ANKRD30B: variants seen among roughly 807,000 people sequenced by gnomAD.
The protein encoded by ANKRD30B is ankyrin repeat domain 30B, also known as ankyrin repeat domain-containing protein 30B.
A neutral mutation model predicts 202.2 loss-of-function variants in ANKRD30B; 144 were observed. That is an observed-to-expected ratio of 0.71 (90% CI 0.62 to 0.82). The LOEUF (loss-of-function observed/expected upper bound fraction) is 0.82, where lower values mean the gene tolerates loss of function less well. ANKRD30B is among the 40% of genes least tolerant of loss of function. The probability of loss-of-function intolerance (pLI) is 0.00; values close to 1 mark genes in which losing one functional copy is unlikely to be tolerated. For synonymous variants in ANKRD30B, 508 were observed against 561.3 expected (o/e 0.91, Z 1.34); for missense variants, 1,487 against 1,669.1 (o/e 0.89, Z 1.90).
intron 15 of ANKRD30B, 95 bp from the exon 16 acceptor site, chr18:14,791,306 T>A: frequency 3.9e-6 from 4 of 1,023,146 alleles, no homozygotes; most frequent in Non-Finnish European, 4.4e-6. Context: ...ACTAGGAAAT[T>A]GTGTTTTTAA....
chr18:14,779,431 C>T (rs1967580623), intron 10 of ANKRD30B, among the ~76,000 whole-genome samples: 1 of 152,148 alleles, frequency 6.6e-6, no homozygotes, highest in Non-Finnish European at 1.5e-5. Flanking sequence ...ATTTAAAACG[C>T]ATTCACACCA....
intron 24 of ANKRD30B, among the ~76,000 whole-genome samples, chr18:14,807,321 T>C (rs1310934725): frequency 2.6e-5 from 4 of 151,046 alleles, no homozygotes; most frequent in African/African-American, 9.8e-5. Flanking sequence ...CTAAGCTTTC[T>C]ATAAAAGCTT....
intron 32 of ANKRD30B, among the ~76,000 whole-genome samples, chr18:14,822,886 C>A (rs1970493094): frequency 7.1e-6 from 1 of 140,546 alleles, no homozygotes; most frequent in Non-Finnish European, 1.5e-5. Flanking sequence ...TACTGTACCT[C>A]ATGTGGTTCT....
In ANKRD30B at chr18:14,787,024, A is replaced by C. The variant is rs1467677807; in HGVS notation, c.1673-15A>C. Reference sequence around the variant, plus strand: ...AAATGTTCTCATGAATACATCTGTGATTAACCTTTTATAGCTCAGATGTTC... The same window carrying C: ...AAATGTTCTCATGAATACATCTGTGCTTAACCTTTTATAGCTCAGATGTTC... On this transcript the variant is annotated splice_polypyrimidine_tract_variant and intron_variant, in intron 14 of 43. Transcript: ENST00000690538. The C allele has an allele frequency of 2.5e-6, 4 of 1,603,606 alleles. No homozygotes were observed. The highest frequency in any genetic ancestry group is 3.4e-6 in the Non-Finnish European group (4 of 1,174,658).
At chr18:14,762,340 T>C (rs2143718780) in intron 6 of ANKRD30B, among the ~76,000 whole-genome samples, 1 of 152,336 alleles carries the variant, frequency 6.6e-6, no homozygotes, top group East Asian at 1.9e-4. Context: ...TAATAATACT[T>C]TTCTGGCACC....
At position 14,769,842 on chromosome 18, in the gene ANKRD30B, G is replaced by A. The variant is rs79053360; in HGVS notation, c.1256+469G>A. On this transcript the variant is annotated intron_variant, in intron 8 of 43. Coordinates refer to ENST00000690538, the MANE Select transcript of ANKRD30B (RefSeq NM_001367607.2). ...TTCTAACATGTTTAACTGTTAAAGC[G>A]GTAACCAGTACCTTGTTATTATCAT... 8.7e-3 allele frequency among the ~76,000 whole-genome samples: 1,323 copies of A among 152,258 alleles called. 26 individuals carry two copies. Among genetic ancestry groups the A allele is most frequent in the African/African-American group, 0.03 (1,263 of 41,566 alleles).
At chr18:14,876,089 G>A in the ANKRD30B span, among the ~76,000 whole-genome samples, 7 of 151,698 alleles carry the variant, frequency 4.6e-5, no homozygotes, top group Non-Finnish European at 2.9e-5. Context: ...TGGGTCGTGA[G>A]AATCCTAAAA....
Position 14,764,045 on chromosome 18 carries a change from A to T in ANKRD30B, c.1180A>T (p.Ile394Phe), listed in dbSNP as rs1361900044. 1.9e-6 allele frequency: 3 copies of T among 1,557,164 alleles called. No homozygotes were observed. The highest frequency in any genetic ancestry group is 1.4e-5 in the African/African-American group (1 of 71,510). ...TTTGGAAAAAGGAACATCTAATATG[A>T]TTGCATGTCCTACAAAAGAAACATC... ...EVLEKGTSNM[I>F]ACPTKETSTK... The change falls in exon 7 of 44, where the codon ATT (isoleucine) becomes TTT (phenylalanine). Residue 394 changes from isoleucine (I) to phenylalanine (F), a missense_variant. Transcript: ENST00000690538.
chr18:14,873,648 C>T, the ANKRD30B span, among the ~76,000 whole-genome samples: 1 of 152,082 alleles, frequency 6.6e-6, no homozygotes, highest in East Asian at 1.9e-4. Context: ...TCTCTAAACC[C>T]CCAATTCCCT....
the ANKRD30B span, among the ~76,000 whole-genome samples, chr18:14,871,278 A>C: frequency 5.1e-5 from 5 of 98,204 alleles, no homozygotes; most frequent in African/African-American, 4.2e-5. Flanking sequence ...CGCTTGCTCC[A>C]CCTCCTCCTA....
At chr18:14,793,062 G>C (rs1392779014) in intron 16 of ANKRD30B, among the ~76,000 whole-genome samples, 1 of 152,116 alleles carries the variant, frequency 6.6e-6, no homozygotes, top group Non-Finnish European at 1.5e-5. Context: ...TAAGTTTGCT[G>C]TTCCTGATGA....
chr18:14,770,402 T>C (rs1000730115), intron 8 of ANKRD30B, among the ~76,000 whole-genome samples: 1 of 152,174 alleles, frequency 6.6e-6, no homozygotes, highest in African/African-American at 2.4e-5. Flanking sequence ...GGAGAAGTAA[T>C]ATTTAAACTG....
chr18:14,814,843 G>A, intron 30 of ANKRD30B, 132 bp downstream of exon 30: 1 of 250,188 alleles, frequency 4.0e-6, no homozygotes, highest in Non-Finnish European at 6.7e-6. Context: ...GAAGTGAAAT[G>A]GTGATAAGTT....
chr18:14,906,272 T>C, the ANKRD30B span, among the ~76,000 whole-genome samples: 1 of 152,186 alleles, frequency 6.6e-6, no homozygotes, highest in Admixed American at 6.5e-5. Flanking sequence ...TGATTTCCTG[T>C]GTTCTCCTGT....
At chr18:14,855,899 C>CCGAGAAA, downstream of ANKRD30B, among the ~76,000 whole-genome samples, 1 of 151,794 alleles carries the variant, frequency 6.6e-6, no homozygotes, top group East Asian at 2.0e-4. Context: ...GACGGGGCGG[C>CCGAGAAA]TGGGCAGAGG....
intron 32 of ANKRD30B, among the ~76,000 whole-genome samples, chr18:14,824,684 G>A (rs1970591728): frequency 6.6e-6 from 1 of 152,170 alleles, no homozygotes; most frequent in Non-Finnish European, 1.5e-5. Context: ...AGATTCATTG[G>A]AATTATTTGA....
intron 26 of ANKRD30B, among the ~76,000 whole-genome samples, chr18:14,809,296 A>T (rs1039752833): frequency 2.0e-5 from 3 of 151,128 alleles, no homozygotes; most frequent in South Asian, 2.1e-4. Flanking sequence ...GTAATTTCTA[A>T]CAGAGCCTTA....
chr18:14,850,559 T>C (rs953619814), intron 41 of ANKRD30B, among the ~76,000 whole-genome samples, 177 bp downstream of exon 41: 1 of 151,818 alleles, frequency 6.6e-6, no homozygotes, highest in African/African-American at 2.4e-5. Flanking sequence ...GGCATGCAAA[T>C]AGTATCTTAT....
intron 42 of ANKRD30B, among the ~76,000 whole-genome samples, chr18:14,853,262 T>C (rs1971960733): frequency 6.6e-6 from 1 of 152,146 alleles, no homozygotes; most frequent in Non-Finnish European, 1.5e-5. Flanking sequence ...TCCCCATTTT[T>C]CAATTCATAA....
Sources: gnomAD v4.1 joint callset for allele counts (sites outside exome capture counted in the v4.1 genomes callset) on GRCh38, gnomAD v4.1.1 for gene constraint, MANE v1.5 for transcripts, NCBI Gene and HGNC (gene_info 2026-07-23, HGNC 2026-07-21) for gene names.